The following PYY variants were observed in gnomAD, a reference collection of about 807,000 sequenced individuals.
The protein encoded by PYY is peptide YY.
In PYY, 12 loss-of-function variants were observed where a neutral mutation model predicts 10.3. That is an observed-to-expected ratio of 1.17 (90% CI 0.75 to 1.89). The LOEUF (loss-of-function observed/expected upper bound fraction) is 1.89. Ranked by LOEUF, PYY falls within the 40% of genes most tolerant of loss-of-function variation. PYY has a pLI of 0.00. For missense variants in PYY, 141 were observed against 134.0 expected (o/e 1.05, Z -0.26); for synonymous variants, 66 against 62.0 (o/e 1.06, Z -0.30).
intron 1 of PYY, among the ~76,000 whole-genome samples, chr17:43,978,278 A>AGAAG (rs886591043): frequency 6.7e-6 from 1 of 150,362 alleles, no homozygotes; most frequent in East Asian, 2.0e-4. Context: ...AGAGAGAGAG[A>AGAAG]GAAGGAAGGA....
At chr17:43,982,643 C>T (rs190873071) in intron 1 of PYY, among the ~76,000 whole-genome samples, 1 of 152,284 alleles carries the variant, frequency 6.6e-6, no homozygotes, top group African/African-American at 2.4e-5. Flanking sequence ...AAGGAACAGT[C>T]GTGACTGGAC....
At chr17:43,956,014 C>G (rs192144132), upstream of PYY, among the ~76,000 whole-genome samples, 2 of 152,136 alleles carry the variant, frequency 1.3e-5, no homozygotes, top group East Asian at 3.9e-4. Context: ...CGATTCTGGA[C>G]AGAGACGAAG....
upstream of PYY, chr17:43,958,006 T>C (rs1001020831): frequency 6.5e-6 from 1 of 154,438 alleles, no homozygotes; most frequent in African/African-American, 2.4e-5. Context: ...CAGGCTTCGC[T>C]CTAGGACAGA....
At chr17:43,975,715 GAAAAAA>G (rs1173879627) in intron 1 of PYY, among the ~76,000 whole-genome samples, 1 of 67,688 alleles carries the variant, frequency 1.5e-5, no homozygotes, top group Non-Finnish European at 2.7e-5. Context: ...GTAAGACCCT[GAAAAAA>G]AAAAATATAT....
At chr17:43,958,676 G>A (rs1299200201), upstream of PYY, among the ~76,000 whole-genome samples, 5 of 152,064 alleles carry the variant, frequency 3.3e-5, no homozygotes, top group South Asian at 2.1e-4. Context: ...CACCACACCC[G>A]GCCCCTAAAA....
intron 1 of PYY, among the ~76,000 whole-genome samples, chr17:43,968,190 G>C (rs1177117965): frequency 6.6e-6 from 1 of 152,112 alleles, no homozygotes; most frequent in Non-Finnish European, 1.5e-5. Context: ...ACACCAGCCT[G>C]GGCGTGTATG....
At chr17:43,984,831 G>C (rs1187628621) in intron 1 of PYY, among the ~76,000 whole-genome samples, 1 of 152,216 alleles carries the variant, frequency 6.6e-6, no homozygotes, top group Non-Finnish European at 1.5e-5. Context: ...ACCAGGGCTT[G>C]AGCGGCTGAT....
At chr17:44,002,488 C>T (rs1244862284) in intron 1 of PYY, among the ~76,000 whole-genome samples, 1 of 152,176 alleles carries the variant, frequency 6.6e-6, no homozygotes, top group African/African-American at 2.4e-5. Flanking sequence ...ACAGAGGGTC[C>T]TCTTTCCCCC....
At chr17:43,976,408 T>C (rs1411272967) in intron 1 of PYY, among the ~76,000 whole-genome samples, 2 of 111,736 alleles carry the variant, frequency 1.8e-5, no homozygotes, top group African/African-American at 6.2e-5. Flanking sequence ...TATATACATA[T>C]TCATGTATAC....
At chr17:43,958,245 T>C (rs1341061388), upstream of PYY, among the ~76,000 whole-genome samples, 1 of 152,040 alleles carries the variant, frequency 6.6e-6, no homozygotes, top group African/African-American at 2.4e-5. Context: ...AAAATTTTTT[T>C]AGTTTATTTC....
intron 1 of PYY, among the ~76,000 whole-genome samples, chr17:43,978,008 T>C (rs2048859667): frequency 6.6e-6 from 1 of 151,824 alleles, no homozygotes; most frequent in African/African-American, 2.4e-5. Flanking sequence ...AAGACCAGCC[T>C]GGGCAACAGG....
rs541165195 is a variant in PYY, at chr17:43,982,077, T to C, written c.-462-15545A>G. Among the ~76,000 whole-genome samples the C allele has an allele frequency of 2.6e-5, 4 of 152,332 alleles. No homozygotes were observed. In the South Asian group the frequency reaches 8.3e-4, roughly 32 times the overall value. ...GCAATTAGATCAAATTGCCTCTTCA[T>C]GGACAACTTCTTAGCTCTGCGCAGC... On this transcript the variant is annotated intron_variant, in intron 1 of 6. Coordinates refer to the PYY transcript ENST00000360085.
intron 1 of PYY, among the ~76,000 whole-genome samples, chr17:43,999,118 G>A (rs1187615478): frequency 6.6e-6 from 1 of 152,160 alleles, no homozygotes; most frequent in Non-Finnish European, 1.5e-5. Flanking sequence ...AAGGGAGTGT[G>A]AGGAAGAGCA....
At chr17:43,982,209 G>C (rs1175405050) in intron 1 of PYY, among the ~76,000 whole-genome samples, 1 of 152,210 alleles carries the variant, frequency 6.6e-6, no homozygotes, top group Non-Finnish European at 1.5e-5. Flanking sequence ...GTACCAGCTA[G>C]TAAGCACCCC....
At chr17:43,978,296 AGGAT>A (rs2048861675) in intron 1 of PYY, among the ~76,000 whole-genome samples, 3 of 140,112 alleles carry the variant, frequency 2.1e-5, no homozygotes, top group Non-Finnish European at 4.6e-5. Context: ...GGAAGGAAGA[AGGAT>A]GGAAGGAAGG....
At chr17:43,982,096 G>A (rs1268887119) in intron 1 of PYY, among the ~76,000 whole-genome samples, 1 of 152,130 alleles carries the variant, frequency 6.6e-6, no homozygotes, top group African/African-American at 2.4e-5. Flanking sequence ...TCTTAGCTCT[G>A]CGCAGCTCTG....
At chr17:43,975,587 C>T (rs1362232367) in intron 1 of PYY, among the ~76,000 whole-genome samples, 1 of 151,338 alleles carries the variant, frequency 6.6e-6, no homozygotes, top group East Asian at 1.9e-4. Context: ...AGTATTGTAG[C>T]ACGTGCCTGT....
chr17:43,987,859 G>A lies in PYY; in HGVS notation c.-463+16532C>T, dbSNP rs1642595. Among the ~76,000 whole-genome samples, 120,747 of 152,218 alleles carry A rather than the reference G, an allele frequency of 0.79. 50,027 individuals carry two copies. Among genetic ancestry groups the A allele is most frequent in the South Asian group, 0.92 (4,437 of 4,826 alleles). On this transcript the variant is annotated intron_variant, in intron 1 of 6. Transcript: ENST00000360085. The surrounding 1 kb of genome is among the most constrained non-coding windows in gnomAD (Gnocchi z 4.0). ...ATTAGCAATAGGGAGGGAGGAAGGG[G>A]GCAAGGATGGAGAACGAGTGCTTCG... is the stretch of plus-strand genomic sequence containing the variant.
chr17:43,979,695 T>G (rs1423710773), intron 1 of PYY, among the ~76,000 whole-genome samples: 2 of 149,812 alleles, frequency 1.3e-5, no homozygotes, highest in African/African-American at 2.5e-5. Context: ...AAAAAAAAAT[T>G]TATATATATA....
Sources: gnomAD v4.1 joint callset for allele counts (sites outside exome capture counted in the v4.1 genomes callset) on GRCh38, gnomAD v4.1.1 for gene constraint, Gnocchi (gnomAD v3.1) non-coding constraint, MANE v1.5 for transcripts, NCBI Gene and HGNC (gene_info 2026-07-23, HGNC 2026-07-21) for gene names.